Variants in OXR1 observed in about 807,000 individuals in gnomAD.
OXR1 encodes oxidation resistance 1.
In OXR1, 41 loss-of-function variants were observed where a neutral mutation model predicts 104.6. That is an observed-to-expected ratio of 0.39 (90% confidence interval 0.31 to 0.51). OXR1 has a LOEUF of 0.51. OXR1 is among the 20% of genes least tolerant of loss of function. The pLI, the probability that OXR1 is intolerant of heterozygous loss-of-function variation, is 0.77. For synonymous variants in OXR1, 348 were observed against 348.4 expected (o/e 1.00, Z 0.01); for missense variants, 955 against 1,031.9 (o/e 0.93, Z 1.02).
chr8:106,370,134 C>T (rs1238655368), intron 2 of OXR1, among the ~76,000 whole-genome samples: 1 of 152,044 alleles, frequency 6.6e-6, no homozygotes, highest in African/African-American at 2.4e-5. Flanking sequence ...AGCTGTGTTT[C>T]TAGGTATTTT....
In OXR1 at chr8:106,427,135, T is replaced by C. The variant is rs116788335; in HGVS notation, c.23+67499T>C. On this transcript the variant is annotated intron_variant, in intron 2 of 16. Coordinates refer to ENST00000517566, the MANE Select transcript of OXR1 (RefSeq NM_001198533.2). ...CAACCAGGCTTGCAGTTGTGAATGA[T>C]ATGGGTCTCAGACTCATCTCTCCTC... Among the ~76,000 whole-genome samples, 1,027 of 152,224 alleles carry C rather than the reference T, an allele frequency of 6.7e-3. 11 individuals are homozygous for C. The highest frequency in any genetic ancestry group is 0.023 in the African/African-American group (961 of 41,546).
chr8:106,639,583 T>C (rs1362437457), intron 3 of OXR1, among the ~76,000 whole-genome samples: 3 of 152,168 alleles, frequency 2.0e-5, no homozygotes, highest in Non-Finnish European at 4.4e-5. Context: ...GCCTTTGTAG[T>C]GCCTAAAAAG....
intron 1 of OXR1, among the ~76,000 whole-genome samples, chr8:106,300,244 T>C (rs1028122407): frequency 2.6e-5 from 4 of 152,130 alleles, no homozygotes; most frequent in Admixed American, 2.0e-4. Context: ...GACCTCTTCA[T>C]TTTTACTCAC....
intron 2 of OXR1, chr8:106,447,802 T>C: frequency 9.6e-7 from 1 of 1,041,288 alleles, no homozygotes; most frequent in Non-Finnish European, 1.3e-6. Flanking sequence ...CCGAACGGCA[T>C]ATTCTTTGGG....
chr8:106,435,133 C>A (rs1225356619), intron 2 of OXR1, among the ~76,000 whole-genome samples: 1 of 152,110 alleles, frequency 6.6e-6, no homozygotes, highest in Non-Finnish European at 1.5e-5. Context: ...GTACAAGGAA[C>A]AGCAAATGAA....
chr8:106,643,269 A>G (rs1208497832), intron 3 of OXR1, among the ~76,000 whole-genome samples: 3 of 152,136 alleles, frequency 2.0e-5, no homozygotes, highest in Admixed American at 2.0e-4. Context: ...CTGCTGATAT[A>G]GTCCCAAAGC....
intron 3 of OXR1, among the ~76,000 whole-genome samples, chr8:106,614,234 A>T (rs771895844): frequency 6.6e-6 from 1 of 152,206 alleles, no homozygotes. Context: ...CGTCTTAAAA[A>T]AGGTTCAGTT....
intron 1 of OXR1, among the ~76,000 whole-genome samples, chr8:106,359,271 G>C (rs1816138774): frequency 6.6e-6 from 1 of 151,950 alleles, no homozygotes; most frequent in South Asian, 2.1e-4. Context: ...TGTTCAGATG[G>C]TTTTAAAAGT....
At chr8:106,733,092 A>G (rs758097413) in intron 11 of OXR1, among the ~76,000 whole-genome samples, 15 of 152,054 alleles carry the variant, frequency 9.9e-5, no homozygotes, top group Non-Finnish European at 1.6e-4. Context: ...GAGTTTTGCT[A>G]TGTTCCCTGG....
At chr8:106,480,775 G>T (rs955777639) in intron 2 of OXR1, among the ~76,000 whole-genome samples, 2 of 151,848 alleles carry the variant, frequency 1.3e-5, no homozygotes, top group Non-Finnish European at 2.9e-5. Context: ...ATTCCTCATA[G>T]AAATAAAAAA....
chr8:106,374,925 T>A (rs1486758825), intron 2 of OXR1, among the ~76,000 whole-genome samples: 3 of 152,206 alleles, frequency 2.0e-5, no homozygotes, highest in Non-Finnish European at 4.4e-5. Flanking sequence ...CCTCATAGAC[T>A]CCCGCTGTAA....
At chr8:106,519,258 G>A in intron 3 of OXR1, 119 bp downstream of exon 3, 1 of 651,860 alleles carries the variant, frequency 1.5e-6, no homozygotes, top group Non-Finnish European at 2.6e-6. Flanking sequence ...TCTTTCTGAT[G>A]GTTTATTTGG....
intron 1 of OXR1, among the ~76,000 whole-genome samples, chr8:106,348,857 T>C (rs1196175854): frequency 6.6e-6 from 1 of 152,120 alleles, no homozygotes. Flanking sequence ...CCAGAAGATA[T>C]AGCATAGGCC....
chr8:106,558,452 G>A (rs958953763), intron 3 of OXR1, among the ~76,000 whole-genome samples: 3 of 152,278 alleles, frequency 2.0e-5, no homozygotes, highest in Middle Eastern at 3.4e-3. Flanking sequence ...TGGAGGATCC[G>A]GGACAGCAAG....
chr8:106,390,177 G>C (rs1391782056), intron 2 of OXR1, among the ~76,000 whole-genome samples: 1 of 152,048 alleles, frequency 6.6e-6, no homozygotes, highest in Non-Finnish European at 1.5e-5. Flanking sequence ...GTTATAATAA[G>C]TAATATACAT....
At chr8:106,623,522 G>T (rs1308059470) in intron 3 of OXR1, among the ~76,000 whole-genome samples, 1 of 152,046 alleles carries the variant, frequency 6.6e-6, no homozygotes, top group Non-Finnish European at 1.5e-5. Context: ...CACATACTCA[G>T]ACAAACTCTA....
intron 2 of OXR1, among the ~76,000 whole-genome samples, chr8:106,451,252 C>T (rs547120621): frequency 3.9e-4 from 60 of 152,268 alleles, no homozygotes; most frequent in African/African-American, 1.4e-3. Flanking sequence ...TCAAGGACCA[C>T]ATCTGAGTGT....
intron 3 of OXR1, among the ~76,000 whole-genome samples, chr8:106,562,252 A>G (rs1184543663): frequency 6.6e-6 from 1 of 152,116 alleles, no homozygotes; most frequent in East Asian, 1.9e-4. Flanking sequence ...ATGGCTATCT[A>G]TAATACCCGT....
At chr8:106,318,162 T>G (rs2130167079) in intron 1 of OXR1, among the ~76,000 whole-genome samples, 1 of 152,208 alleles carries the variant, frequency 6.6e-6, no homozygotes, top group African/African-American at 2.4e-5. Flanking sequence ...AATTGATTAT[T>G]AAAAAAAATC....
Sources: gnomAD v4.1 joint callset for allele counts (sites outside exome capture counted in the v4.1 genomes callset) on GRCh38, gnomAD v4.1.1 for gene constraint, MANE v1.5 for transcripts, NCBI Gene and HGNC (gene_info 2026-07-23, HGNC 2026-07-21) for gene names.